USP49: variants seen among roughly 807,000 people sequenced by gnomAD.
The protein encoded by USP49 is ubiquitin specific peptidase 49.
Under a neutral mutation model 58.6 loss-of-function variants are expected in USP49, and 24 were observed. The observed-to-expected ratio is 0.41, with a 90% CI of 0.30 to 0.58. The LOEUF is 0.58. Among genes scored for constraint, USP49 ranks in the 20% least tolerant of loss-of-function variants. The pLI is 0.30. For missense variants in USP49, 703 were observed against 866.1 expected, an observed-to-expected ratio of 0.81 and a Z score of 2.36; for synonymous variants, 408 against 365.1, an observed-to-expected ratio of 1.12 and a Z score of -1.34.
Position 41,799,871 on chromosome 6 carries a change from G to A in USP49, c.1629C>T (p.Tyr543=). 1 of 1,614,154 alleles carries A rather than the reference G, an allele frequency of 6.2e-7. No individual in the cohort carries two copies. The highest frequency in any genetic ancestry group is 8.5e-7 in the Non-Finnish European group (1 of 1,179,992). Residue 543 remains tyrosine, a synonymous_variant, in exon 6 of 8, where the codon TAC becomes TAT. Coordinates refer to ENST00000682992, the MANE Select transcript of USP49 (RefSeq NM_001286554.2). ...GCAGCCGGAGAACCTGAGGTAGTCT[G>A]TAGATCATTAACTGCTTTCTAGCTT... ...LSEARKQLMI[Y]RLPQVLRLHL...
At chr6:41,891,244 A>G (rs1049140817) in intron 2 of USP49, among the ~76,000 whole-genome samples, 3 of 152,384 alleles carry the variant, frequency 2.0e-5, no homozygotes, top group Middle Eastern at 3.4e-3. Context: ...CAAAGGCTGG[A>G]ATCCCATCCC....
chr6:41,815,804 A>G (rs966521873), intron 3 of USP49, among the ~76,000 whole-genome samples: 1 of 152,226 alleles, frequency 6.6e-6, no homozygotes, highest in East Asian at 1.9e-4. Context: ...GAGGTGTGCT[A>G]TCACTCATTT....
intron 5 of USP49, among the ~76,000 whole-genome samples, chr6:41,802,464 A>ATTTTTTTT (rs1272102736): frequency 2.7e-5 from 2 of 73,698 alleles, no homozygotes; most frequent in African/African-American, 1.1e-4. Context: ...TTATTTATTT[A>ATTTTTTTT]TTTATTTTTT....
At chr6:41,865,984 C>G (rs549346788) in intron 3 of USP49, among the ~76,000 whole-genome samples, 1 of 136,986 alleles carries the variant, frequency 7.3e-6, no homozygotes, top group African/African-American at 2.8e-5. Context: ...TGCAGTGGCG[C>G]GATCTCGGCT....
chr6:41,894,403 A>C (rs1774861267), intron 1 of USP49: 1 of 150,654 alleles, frequency 6.6e-6, no homozygotes. Context: ...CTTATTCCTG[A>C]CTCCACCTGG....
intron 3 of USP49, among the ~76,000 whole-genome samples, chr6:41,818,877 A>G (rs1439902864): frequency 6.6e-6 from 1 of 152,126 alleles, no homozygotes; most frequent in African/African-American, 2.4e-5. Flanking sequence ...ATGTGATCCA[A>G]TGGCACATAG....
At chr6:41,849,949 T>C (rs1289592101) in intron 3 of USP49, among the ~76,000 whole-genome samples, 1 of 151,882 alleles carries the variant, frequency 6.6e-6, no homozygotes, top group Non-Finnish European at 1.5e-5. Context: ...TAGAAATCAA[T>C]GGCACAAGGA....
chr6:41,840,154 C>G (rs1030896453), intron 3 of USP49, among the ~76,000 whole-genome samples: 2 of 151,440 alleles, frequency 1.3e-5, no homozygotes, highest in Non-Finnish European at 2.9e-5. Context: ...GTGGGCGGAT[C>G]GTGAGGTCAG....
intron 2 of USP49, among the ~76,000 whole-genome samples, chr6:41,886,867 C>G (rs1415043932): frequency 6.6e-6 from 1 of 152,158 alleles, no homozygotes; most frequent in Non-Finnish European, 1.5e-5. Flanking sequence ...CCACTGCACT[C>G]CAGCCTGGGC....
chr6:41,890,052 T>G (rs1377201228), intron 2 of USP49, among the ~76,000 whole-genome samples: 1 of 152,232 alleles, frequency 6.6e-6, no homozygotes, highest in Non-Finnish European at 1.5e-5. Flanking sequence ...ACTCAGTTAA[T>G]GCTGGACACC....
At chr6:41,892,049 T>C (rs1018565532) in intron 1 of USP49, among the ~76,000 whole-genome samples, 174 bp from the exon 2 acceptor site, 8 of 152,210 alleles carry the variant, frequency 5.3e-5, no homozygotes, top group African/African-American at 1.9e-4. Context: ...GGAGTCCTTA[T>C]TGATAAATAG....
intron 5 of USP49, among the ~76,000 whole-genome samples, chr6:41,802,460 A>ATTTTTTTTTTTTT (rs71545916): frequency 1.4e-5 from 1 of 71,398 alleles, no homozygotes; most frequent in African/African-American, 5.8e-5. Flanking sequence ...TTATTTATTT[A>ATTTTTTTTTTTTT]TTTATTTATT....
chr6:41,817,744 T>C (rs1388387354), intron 3 of USP49, among the ~76,000 whole-genome samples: 1 of 152,172 alleles, frequency 6.6e-6, no homozygotes, highest in Non-Finnish European at 1.5e-5. Context: ...GCCTCCCAAG[T>C]AGCTGGGACT....
At chr6:41,874,642 G>A (rs554374064) in intron 2 of USP49, among the ~76,000 whole-genome samples, 1 of 152,300 alleles carries the variant, frequency 6.6e-6, no homozygotes, top group East Asian at 1.9e-4. Context: ...GGCAAGGCAA[G>A]GATTCAAACC....
intron 3 of USP49, among the ~76,000 whole-genome samples, chr6:41,823,488 G>C (rs1267207796): frequency 6.6e-6 from 1 of 152,132 alleles, no homozygotes; most frequent in Non-Finnish European, 1.5e-5. Context: ...ATTACAAAAA[G>C]AGTCCCCTCC....
At position 41,796,390 on chromosome 6, in the gene USP49, G is replaced by A. The variant is rs1772887369; in HGVS notation, c.*143C>T. The A allele has an allele frequency of 3.6e-6, 2 of 553,398 alleles. No homozygotes were observed. The highest frequency in any genetic ancestry group is 3.0e-5 in the Admixed American group (1 of 33,358). 34.3% of individuals were successfully genotyped at this position (553,398 alleles called of 1,614,324 possible). On this transcript the variant is annotated 3_prime_UTR_variant, in exon 8 of 8. Transcript: ENST00000682992. ...AAAGAGACTATAAAATTTACGACAG[G>A]ACACGAATCACCTGGCACCTTCTAC...
chr6:41,815,386 A>C (rs1001427089), intron 3 of USP49, among the ~76,000 whole-genome samples: 8 of 151,124 alleles, frequency 5.3e-5, no homozygotes, highest in African/African-American at 1.7e-4. Flanking sequence ...GCGCCACTGC[A>C]CTCCAGCCTG....
intron 3 of USP49, among the ~76,000 whole-genome samples, chr6:41,843,612 C>G (rs995303882): frequency 3.9e-5 from 6 of 152,092 alleles, no homozygotes; most frequent in Non-Finnish European, 8.8e-5. Context: ...AAAACAGTAT[C>G]TTTAAAAGAA....
chr6:41,883,574 G>C (rs1774653266), intron 2 of USP49, among the ~76,000 whole-genome samples: 1 of 151,920 alleles, frequency 6.6e-6, no homozygotes, highest in Non-Finnish European at 1.5e-5. Context: ...CTGGAACCAA[G>C]ATCATGCCAC....
Sources: allele counts gnomAD v4.1 joint callset (sites outside exome capture counted in the v4.1 genomes callset), GRCh38; gene constraint gnomAD v4.1.1; transcripts MANE v1.5; gene names NCBI Gene and HGNC (gene_info 2026-07-23, HGNC 2026-07-21).